The following KLHL6 variants were observed in gnomAD, a reference collection of about 807,000 sequenced individuals.
KLHL6 encodes the protein kelch like family member 6, also known as kelch-like protein 6.
KLHL6 carries 41 observed loss-of-function variants against 58.6 expected under a neutral mutation model. The observed-to-expected ratio is 0.70, with a 90% CI of 0.55 to 0.91. KLHL6 has a LOEUF of 0.91. KLHL6 is among the 40% of genes least tolerant of loss of function. The pLI is 0.00. For synonymous variants in KLHL6, 338 were observed against 322.7 expected (o/e 1.05, Z -0.51); for missense variants, 714 against 805.6 (o/e 0.89, Z 1.38).
At chr3:183,531,070 G>A (rs1712140713) in intron 1 of KLHL6, among the ~76,000 whole-genome samples, 1 of 152,066 alleles carries the variant, frequency 6.6e-6, no homozygotes, top group Non-Finnish European at 1.5e-5. Context: ...CTGACGTCAG[G>A]TGATCCACCT....
chr3:183,527,587 C>T (rs568652566), intron 2 of KLHL6, among the ~76,000 whole-genome samples: 7 of 152,280 alleles, frequency 4.6e-5, no homozygotes, highest in African/African-American at 1.7e-4. Flanking sequence ...GCACAAAGCT[C>T]CCCTGGCTTC....
intron 2 of KLHL6, 71 bp from the exon 3 acceptor site, chr3:183,508,579 A>G (rs898724678): frequency 1.9e-5 from 27 of 1,432,824 alleles, no homozygotes; most frequent in Admixed American, 6.0e-5. Flanking sequence ...TCAGTGAGTT[A>G]TGTGTATTAG....
chr3:183,506,333 T>C (rs1387542896), intron 3 of KLHL6, among the ~76,000 whole-genome samples: 1 of 152,250 alleles, frequency 6.6e-6, no homozygotes, highest in Non-Finnish European at 1.5e-5. Flanking sequence ...CATTTAATCA[T>C]TCAACAAGCA....
chr3:183,550,903 G>A (rs889827975), intron 1 of KLHL6, among the ~76,000 whole-genome samples: 3 of 152,074 alleles, frequency 2.0e-5, no homozygotes, highest in Admixed American at 6.5e-5. Context: ...GGTGGATCAC[G>A]AGGTCAGGAG....
At chr3:183,511,833 A>G (rs1718195660) in intron 2 of KLHL6, among the ~76,000 whole-genome samples, 1 of 152,204 alleles carries the variant, frequency 6.6e-6, no homozygotes, top group African/African-American at 2.4e-5. Context: ...ATCTCAGGGC[A>G]GAGCAATTTT....
intron 1 of KLHL6, among the ~76,000 whole-genome samples, chr3:183,551,403 A>G (rs537351114): frequency 6.6e-6 from 1 of 152,296 alleles, no homozygotes; most frequent in East Asian, 1.9e-4. Flanking sequence ...CATATGAAAG[A>G]TTTTTGTGAG....
At chr3:183,540,495 G>A (rs116464912) in intron 1 of KLHL6, among the ~76,000 whole-genome samples, 271 of 152,198 alleles carry the variant, frequency 1.8e-3, no homozygotes, top group African/African-American at 6.1e-3. Context: ...CTCGCAGGGC[G>A]GAGTGATACA....
intron 2 of KLHL6, among the ~76,000 whole-genome samples, chr3:183,514,170 T>C (rs1711503920): frequency 6.6e-6 from 1 of 152,128 alleles, no homozygotes; most frequent in Non-Finnish European, 1.5e-5. Context: ...GACAGACCAG[T>C]GGAGGCAGCA....
In KLHL6 at chr3:183,508,219, C is replaced by G. The variant is rs147922716; in HGVS notation, c.749G>C (p.Arg250Pro). Residue 250 changes from arginine to proline, a missense_variant, in exon 3 of 7, where the codon CGA becomes CCA. Around this residue, in one of 2 missense-constraint regions of KLHL6, gnomAD observed 510 missense variants for 629.7 expected, o/e 0.81. Coordinates refer to ENST00000341319, the MANE Select transcript of KLHL6 (RefSeq NM_130446.4). Reference sequence around the variant, plus strand: ...GAGGACATAGGGGAGTAAGCAGAGTCGTTCTGATGGCTTGTGCCGGACCCA... The same window carrying G: ...GAGGACATAGGGGAGTAAGCAGAGTGGTTCTGATGGCTTGTGCCGGACCCA... ...MSWVRHKPSE[R>P]LCLLPYVLEN... 3.1e-6 allele frequency: 5 copies of G among 1,614,036 alleles called. No individual in the cohort carries two copies. The highest frequency in any genetic ancestry group is 4.2e-6 in the Non-Finnish European group (5 of 1,180,046).
intron 2 of KLHL6, among the ~76,000 whole-genome samples, chr3:183,509,439 T>C (rs1265083258): frequency 6.6e-6 from 1 of 152,204 alleles, no homozygotes; most frequent in Non-Finnish European, 1.5e-5. Context: ...AATAAAGTCA[T>C]AGAAAGAAGA....
At chr3:183,540,241 T>C (rs915468465) in intron 1 of KLHL6, among the ~76,000 whole-genome samples, 1 of 152,088 alleles carries the variant, frequency 6.6e-6, no homozygotes, top group Non-Finnish European at 1.5e-5. Context: ...CTGGTGGACA[T>C]GAAAGTTTGG....
chr3:183,507,905 G>C (rs1007236832), intron 3 of KLHL6, among the ~76,000 whole-genome samples, 154 bp downstream of exon 3: 5 of 152,146 alleles, frequency 3.3e-5, no homozygotes, highest in African/African-American at 7.2e-5. Context: ...AGGAATCAGG[G>C]CTTCTGGAAC....
intron 1 of KLHL6, among the ~76,000 whole-genome samples, chr3:183,531,789 C>G (rs2108687404): frequency 6.6e-6 from 1 of 152,322 alleles, no homozygotes; most frequent in East Asian, 1.9e-4. Flanking sequence ...ATGTCTATCC[C>G]ACACTTGTCC....
rs112220671 is a variant in KLHL6 at position 183,555,438 on chromosome 3, T to C, written c.216A>G (p.Thr72=). Residue 72 remains threonine (T), a synonymous_variant, in exon 1 of 7, where the codon ACA becomes ACG. Transcript: ENST00000341319. ...LETLRMENAL[T]DVILCVDIQE... is the part of the protein sequence containing the mutation. ...GAATGTCCACACACAAGATGACATC[T>C]GTCAGAGCGTTTTCCATTCGCAGGG... The C allele has an allele frequency of 6.2e-7, 1 of 1,614,064 alleles. No individual in the cohort carries two copies. Among genetic ancestry groups the C allele is most frequent in the African/African-American group, 1.3e-5 (1 of 74,932 alleles).
At chr3:183,507,220 G>C (rs1718033217) in intron 3 of KLHL6, among the ~76,000 whole-genome samples, 2 of 152,090 alleles carry the variant, frequency 1.3e-5, no homozygotes. Flanking sequence ...CTTTCAGCTG[G>C]TGAATAAATT....
chr3:183,493,985 A>G, intron 5 of KLHL6, 94 bp downstream of exon 5: 1 of 1,135,638 alleles, frequency 8.8e-7, no homozygotes, highest in Non-Finnish European at 1.3e-6. Context: ...AGTGATCAGA[A>G]AGCTGACCAC....
At chr3:183,554,126 T>C (rs1456710943) in intron 1 of KLHL6, among the ~76,000 whole-genome samples, 3 of 152,226 alleles carry the variant, frequency 2.0e-5, no homozygotes, top group Non-Finnish European at 4.4e-5. Context: ...CCAAATACTT[T>C]CTTCATTATC....
intron 1 of KLHL6, among the ~76,000 whole-genome samples, chr3:183,542,884 ATG>A (rs1712598120): frequency 6.9e-6 from 1 of 145,756 alleles, no homozygotes; most frequent in Non-Finnish European, 1.5e-5. Context: ...GGATGGATGG[ATG>A]GATGGATGGA....
At chr3:183,505,983 G>A (rs887890052) in intron 3 of KLHL6, among the ~76,000 whole-genome samples, 2 of 152,146 alleles carry the variant, frequency 1.3e-5, no homozygotes, top group African/African-American at 4.8e-5. Context: ...ATGAACAGTG[G>A]ATCTAAGGAC....
Sources: gnomAD v4.1 joint callset for allele counts (sites outside exome capture counted in the v4.1 genomes callset) on GRCh38, gnomAD v4.1.1 for gene constraint, gnomAD v4.1.1 regional missense constraint, MANE v1.5 for transcripts, NCBI Gene and HGNC (gene_info 2026-07-23, HGNC 2026-07-21) for gene names.